The following RPTOR variants were observed in gnomAD, a reference collection of about 807,000 sequenced individuals.
The protein encoded by RPTOR is regulatory-associated protein of mTOR.
In RPTOR, 21 loss-of-function variants were observed where a neutral mutation model predicts 169.9. The observed-to-expected ratio is 0.12, with a 90% CI of 0.09 to 0.18. The LOEUF (loss-of-function observed/expected upper bound fraction) is 0.18, where lower values mean the gene tolerates loss of function less well. RPTOR is among the 10% of genes least tolerant of loss of function. The probability of loss-of-function intolerance (pLI) is 1.00; values close to 1 mark genes in which losing one functional copy is unlikely to be tolerated. For missense variants in RPTOR, 1,133 were observed against 1,855.9 expected (o/e 0.61, Z 7.16); for synonymous variants, 732 against 753.2 (o/e 0.97, Z 0.46).
At chr17:80,639,013 T>G (rs1176028606) in intron 2 of RPTOR, among the ~76,000 whole-genome samples, 1 of 152,144 alleles carries the variant, frequency 6.6e-6, no homozygotes, top group Non-Finnish European at 1.5e-5. Context: ...GCTGTGTGGC[T>G]CCAAGCTTTG....
At chr17:80,690,341 A>G (rs891088873) in intron 3 of RPTOR, among the ~76,000 whole-genome samples, 5 of 122,654 alleles carry the variant, frequency 4.1e-5, no homozygotes, top group African/African-American at 1.4e-4. Flanking sequence ...ACACACACAC[A>G]TACACACACA....
Position 80,590,194 on chromosome 17 carries a change from G to A in RPTOR, c.163-35497G>A, listed in dbSNP as rs148730460. The stretch of plus-strand genomic sequence containing the variant: ...TGGTAAAGTAGGCATGCAGGTATGC[G>A]CACATGCGTGCACACAGTGTCTTTA... On this transcript the variant is annotated intron_variant, in intron 1 of 33. Coordinates refer to ENST00000306801, the MANE Select transcript of RPTOR (RefSeq NM_020761.3). Among the ~76,000 whole-genome samples, 10 of 152,178 alleles carry A rather than the reference G, an allele frequency of 6.6e-5. No individual in the cohort carries two copies. The East Asian group carries it at 1.5e-3, about 24-fold the overall frequency.
intron 13 of RPTOR, among the ~76,000 whole-genome samples, chr17:80,879,558 A>G (rs1375926482): frequency 6.6e-6 from 1 of 151,904 alleles, no homozygotes. Context: ...ATCAGCGTAA[A>G]GAGGTCTCCA....
At chr17:80,612,103 C>G (rs757845076) in intron 1 of RPTOR, among the ~76,000 whole-genome samples, 3 of 152,178 alleles carry the variant, frequency 2.0e-5, no homozygotes, top group African/African-American at 2.4e-5. Flanking sequence ...AAGATTTGCT[C>G]TCACTCTAAA....
At chr17:80,665,253 TGG>T (rs2065754606) in intron 3 of RPTOR, among the ~76,000 whole-genome samples, 1 of 152,014 alleles carries the variant, frequency 6.6e-6, no homozygotes, top group Admixed American at 6.5e-5. Context: ...GAGGGAGGCA[TGG>T]GAGCCCCTCA....
chr17:80,800,214 G>A (rs528760266), intron 7 of RPTOR, among the ~76,000 whole-genome samples: 1 of 152,278 alleles, frequency 6.6e-6, no homozygotes, highest in Admixed American at 6.5e-5. Context: ...GCCCCCAGAC[G>A]GTCAGAAATC....
chr17:80,581,374 G>C (rs1348261063), intron 1 of RPTOR, among the ~76,000 whole-genome samples: 3 of 152,260 alleles, frequency 2.0e-5, no homozygotes, highest in African/African-American at 7.2e-5. Context: ...GAAAGCCGCT[G>C]TGTATGTGGT....
chr17:80,645,841 G>T (rs926868297), intron 3 of RPTOR, among the ~76,000 whole-genome samples: 2 of 152,216 alleles, frequency 1.3e-5, no homozygotes, highest in East Asian at 3.9e-4. Context: ...GCCCATGACA[G>T]TGGCACAGTT....
chr17:80,905,733 T>C (rs1161997725), intron 20 of RPTOR, among the ~76,000 whole-genome samples: 1 of 152,190 alleles, frequency 6.6e-6, no homozygotes, highest in Non-Finnish European at 1.5e-5. Context: ...TGTCCGCGTC[T>C]GTGGCCCCCA....
rs903707218 is a variant in RPTOR at position 80,957,671 on chromosome 17, A to G, written c.3418A>G (p.Ser1140Gly). The G allele has an allele frequency of 6.2e-7, 1 of 1,614,020 alleles. No individual in the cohort carries two copies. The highest frequency in any genetic ancestry group is 8.5e-7 in the Non-Finnish European group (1 of 1,180,030). Residue 1140 changes from serine to glycine, a missense_variant, in exon 29 of 34, where the codon AGC (serine) becomes GGC (glycine). This residue lies in a region of RPTOR where 410 missense variants were observed against 623.7 expected (regional missense o/e 0.66). Transcript: ENST00000306801. This position sits in a 1 kb window ranked among gnomAD's most constrained non-coding sequence, Gnocchi z 4.6. ...GGAGCAGGAGACCGGCCTCCTCATGAGCTCAGGAGACGTGCGGATCGTCCG... is the reference window on the plus strand; with the variant it reads ...GGAGCAGGAGACCGGCCTCCTCATGGGCTCAGGAGACGTGCGGATCGTCCG... ...DWEQETGLLMSSGDVRIVRIW... is the reference protein window; with the variant it reads ...DWEQETGLLMGSGDVRIVRIW...
intron 3 of RPTOR, among the ~76,000 whole-genome samples, chr17:80,664,427 TCTC>T (rs1212787432): frequency 2.6e-5 from 4 of 152,218 alleles, no homozygotes; most frequent in South Asian, 4.1e-4. Flanking sequence ...TGCTTCACCC[TCTC>T]CTCCTCGATG....
At chr17:80,920,404 G>A (rs1010932699) in intron 21 of RPTOR, among the ~76,000 whole-genome samples, 15 of 152,242 alleles carry the variant, frequency 9.9e-5, no homozygotes, top group Non-Finnish European at 8.8e-5. Flanking sequence ...TGTCTCACGA[G>A]ATTTCCAGAA....
chr17:80,942,589 C>G (rs2069046360), intron 25 of RPTOR, among the ~76,000 whole-genome samples: 1 of 152,068 alleles, frequency 6.6e-6, no homozygotes, highest in Admixed American at 6.6e-5. Flanking sequence ...GCCCTCCTCC[C>G]AGTCCTCTGT....
At chr17:80,744,835 TTACTAGCACTGTCCTGGC>T (rs1272702147) in intron 5 of RPTOR, among the ~76,000 whole-genome samples, 2 of 3,718 alleles carry the variant, frequency 5.4e-4, no homozygotes, top group Admixed American at 2.5e-3. Flanking sequence ...ACAGCCCTGG[TTACTAGCACTGTCCTGGC>T]TACTAGCACT....
intron 10 of RPTOR, among the ~76,000 whole-genome samples, chr17:80,840,641 GCAGCTCACTCTCACCACACCA>G (rs1382496550): frequency 1.4e-4 from 11 of 78,022 alleles, no homozygotes; most frequent in Non-Finnish European, 2.1e-4. Flanking sequence ...TCACCGCACG[GCAGCTCACTCTCACCACACCA>G]CAGCTCACTC....
At position 80,545,688 on chromosome 17, in the gene RPTOR, A is replaced by G; in HGVS notation, c.59A>G (p.Asp20Gly). Residue 20 changes from aspartate (D) to glycine (G), a missense_variant, in exon 1 of 34, where the codon GAT (aspartate) becomes GGT (glycine). Around this residue, in one of 9 missense-constraint regions of RPTOR, gnomAD observed 47 missense variants for 59.5 expected, o/e 0.79. Transcript: ENST00000306801. Reference sequence around the variant, plus strand: ...GGCCTGGGGGAGGAAGATGAGGCTGATCTTACAGACTGGAACCTACCTTTG... The same window carrying G: ...GGCCTGGGGGAGGAAGATGAGGCTGGTCTTACAGACTGGAACCTACCTTTG... ...LLGLGEEDEADLTDWNLPLAF... is the reference protein window; with the variant it reads ...LLGLGEEDEAGLTDWNLPLAF... The G allele has an allele frequency of 6.2e-7, 1 of 1,613,914 alleles. No homozygotes were observed. The highest frequency in any genetic ancestry group is 8.5e-7 in the Non-Finnish European group (1 of 1,179,898).
intron 28 of RPTOR, among the ~76,000 whole-genome samples, chr17:80,951,061 CT>C (rs1423216453): frequency 6.6e-6 from 1 of 151,074 alleles, no homozygotes; most frequent in Non-Finnish European, 1.5e-5. Context: ...TGAGACCCCC[CT>C]AGAAGCATCC....
chr17:80,931,131 C>G (rs2068892091), intron 24 of RPTOR, among the ~76,000 whole-genome samples: 1 of 152,168 alleles, frequency 6.6e-6, no homozygotes, highest in African/African-American at 2.4e-5. Context: ...AAATATTGCT[C>G]TGGTAAAAGC....
In RPTOR at chr17:80,919,331, G is replaced by T. The variant is rs74321988; in HGVS notation, c.2521-3393G>T. ...CCTCTGCGCTATTCTTAGCCCAAAA[G>T]TGCCTCTGGATAATCCTCTGGGAAT... On this transcript the variant is annotated intron_variant, in intron 21 of 33. Transcript: ENST00000306801. 1.9e-3 allele frequency among the ~76,000 whole-genome samples: 293 copies of T among 152,288 alleles called. 10 individuals carry two copies. In the East Asian group the frequency reaches 0.047, roughly 24 times the overall value.
Sources: gnomAD v4.1 joint callset for allele counts (sites outside exome capture counted in the v4.1 genomes callset) on GRCh38, gnomAD v4.1.1 for gene constraint, gnomAD v4.1.1 regional missense constraint, Gnocchi (gnomAD v3.1) non-coding constraint, MANE v1.5 for transcripts, NCBI Gene and HGNC (gene_info 2026-07-23, HGNC 2026-07-21) for gene names.